Variants in PTCHD4 observed in about 807,000 individuals in gnomAD.
PTCHD4 encodes patched domain-containing protein 4.
In PTCHD4, 33 loss-of-function variants were observed where a neutral mutation model predicts 58.1. That is an observed-to-expected ratio of 0.57 (90% CI 0.43 to 0.76). PTCHD4 has a LOEUF of 0.76. Ranked by LOEUF, PTCHD4 falls within the 30% of genes least tolerant of loss-of-function variation. The pLI, the probability that PTCHD4 is intolerant of heterozygous loss-of-function variation, is 0.00. For synonymous variants in PTCHD4, 478 were observed against 409.6 expected (o/e 1.17, Z -2.02); for missense variants, 1,058 against 1,027.1 (o/e 1.03, Z -0.41).
intron 4 of PTCHD4, among the ~76,000 whole-genome samples, chr6:47,996,442 C>T (rs62397958): frequency 7.3e-5 from 1 of 13,622 alleles, no homozygotes; most frequent in Non-Finnish European, 1.8e-4. Context: ...AGCACTGCTC[C>T]CCAGCCTGGG....
In PTCHD4 at chr6:48,101,877, C is replaced by T. The variant is rs185400996; in HGVS notation, c.-970+9172G>A. Among the ~76,000 whole-genome samples, 873 of 152,174 alleles carry T rather than the reference C, an allele frequency of 5.7e-3. 8 individuals carry two copies. Among genetic ancestry groups the T allele is most frequent in the African/African-American group, 0.019 (787 of 41,508 alleles). On this transcript the variant is annotated intron_variant, in intron 1 of 4. Coordinates refer to ENST00000339488, the MANE Select transcript of PTCHD4 (RefSeq NM_001384253.1). ...AATCAGGTCCTCTAATTAGCTGGTG[C>T]GGTTGGATGAAGGGATTGGGAGAGA...
chr6:48,068,671 GCCGGGCTACCCCGTTCTCC>G lies in PTCHD4; in HGVS notation c.6-49_6-31del. On this transcript the variant is annotated intron_variant, in intron 2 of 4. Transcript: ENST00000339488. This position sits in a 1 kb window ranked among gnomAD's most constrained non-coding sequence, Gnocchi z 4.2. ...AAAAGCACATGTGACATGTGTAAGC[GCCGGGCTACCCCGTTCTCC>G]CCCATCCCACCCCCTGGGGCCAGTC... The G allele has an allele frequency of 6.6e-7, 1 of 1,519,554 alleles. No homozygotes were observed. The highest frequency in any genetic ancestry group is 8.8e-7 in the Non-Finnish European group (1 of 1,138,244). The allele number at this position is 1,519,554 out of a possible 1,614,324, so 94.1% of individuals were successfully genotyped here.
chr6:47,879,947 A>T lies in PTCHD4; in HGVS notation c.899-11T>A, dbSNP rs9367307. ...CTTTAGTTCCATGACCTAATGTTTT[A>T]AAAAAAGAAAATAATAATTATTTTT... On this transcript the variant is annotated splice_polypyrimidine_tract_variant and intron_variant, in intron 4 of 4. Coordinates refer to ENST00000339488, the MANE Select transcript of PTCHD4 (RefSeq NM_001384253.1). 0.68 allele frequency: 986,009 copies of T among 1,451,058 alleles called. 337,314 individuals carry two copies. The highest frequency in any genetic ancestry group is 0.79 in the East Asian group (31,399 of 39,856). 89.9% of individuals were successfully genotyped at this position (1,451,058 alleles called of 1,614,324 possible). A position where few individuals can be genotyped will look rare whatever the true frequency, so the allele number is the denominator to read the frequency against.
chr6:48,001,654 C>CCCTAGGCAATA (rs1296597282), intron 4 of PTCHD4, among the ~76,000 whole-genome samples: 103 of 152,258 alleles, frequency 6.8e-4, no homozygotes, highest in African/African-American at 2.4e-3. Flanking sequence ...ACCATAAAAA[C>CCCTAGGCAATA]CCTAGAAGAA....
chr6:47,963,221 C>A (rs1767164173), intron 4 of PTCHD4, among the ~76,000 whole-genome samples: 2 of 150,694 alleles, frequency 1.3e-5, no homozygotes, highest in African/African-American at 2.4e-5. Flanking sequence ...TAAACACATG[C>A]CAACAAATAT....
At chr6:48,073,912 C>T (rs1419443253) in intron 1 of PTCHD4, among the ~76,000 whole-genome samples, 1 of 152,136 alleles carries the variant, frequency 6.6e-6, no homozygotes, top group Middle Eastern at 3.2e-3. Context: ...GATGATCAGG[C>T]AGCAAACTCA....
In PTCHD4 at chr6:48,008,102, A is replaced by G. The variant is rs115194572; in HGVS notation, c.898+532T>C. On this transcript the variant is annotated intron_variant, in intron 4 of 4. Coordinates refer to ENST00000339488, the MANE Select transcript of PTCHD4 (RefSeq NM_001384253.1). Reference sequence around the variant, plus strand: ...AAATTAGAGGATATTTCTAAGTGGCAGCAGGAAGGTTTTAGTTTATACAGA... The same window carrying G: ...AAATTAGAGGATATTTCTAAGTGGCGGCAGGAAGGTTTTAGTTTATACAGA... 5.4e-3 allele frequency among the ~76,000 whole-genome samples: 820 copies of G among 152,348 alleles called. 8 individuals are homozygous for G. Among genetic ancestry groups the G allele is most frequent in the African/African-American group, 0.019 (777 of 41,574 alleles).
chr6:48,061,932 A>C (rs1764642365), intron 3 of PTCHD4, among the ~76,000 whole-genome samples: 1 of 152,194 alleles, frequency 6.6e-6, no homozygotes, highest in Admixed American at 6.5e-5. Context: ...TGTCCAATCA[A>C]AAGGTGTCTT....
intron 1 of PTCHD4, among the ~76,000 whole-genome samples, chr6:48,076,150 CT>C (rs1765060974): frequency 6.6e-6 from 1 of 152,202 alleles, no homozygotes; most frequent in Admixed American, 6.5e-5. Flanking sequence ...CAATAAACCA[CT>C]TTCTTTGCTC....
rs577940230 is a variant in PTCHD4, at chr6:47,930,507, A to G, written c.899-50571T>C. On this transcript the variant is annotated intron_variant, in intron 4 of 4. Transcript: ENST00000339488. Reference sequence around the variant, plus strand: ...TATATTTCTATGTATTCCTAGGCACATATTCCCAGGGATCCAAGACACACA... The same window carrying G: ...TATATTTCTATGTATTCCTAGGCACGTATTCCCAGGGATCCAAGACACACA... Among the ~76,000 whole-genome samples, 4 of 152,350 alleles carry G rather than the reference A, an allele frequency of 2.6e-5. No homozygotes were observed. In the South Asian group the frequency reaches 6.2e-4, roughly 24 times the overall value.
chr6:48,076,194 T>C (rs1234247810), intron 1 of PTCHD4, among the ~76,000 whole-genome samples: 1 of 152,260 alleles, frequency 6.6e-6, no homozygotes, highest in African/African-American at 2.4e-5. Flanking sequence ...TCCATTAAAA[T>C]TTTATTTTGA....
At chr6:47,901,032 T>C (rs1764678700) in intron 4 of PTCHD4, 1 of 150,770 alleles carries the variant, frequency 6.6e-6, no homozygotes, top group Non-Finnish European at 1.5e-5. Context: ...CGGGCGCCTG[T>C]AGTCCCAGCT....
rs976388239 is a variant in PTCHD4, at chr6:47,863,245, A to G, written c.*15058T>C. On this transcript the variant is annotated 3_prime_UTR_variant, in exon 5 of 5. Coordinates refer to ENST00000339488, the MANE Select transcript of PTCHD4 (RefSeq NM_001384253.1). ...CTTTTAAGGAAAAGAATGCAAAAAT[A>G]TCATACATTTGAAAATTTTATATAA... Among the ~76,000 whole-genome samples the G allele has an allele frequency of 2.0e-5, 3 of 151,944 alleles. No individual in the cohort carries two copies. The highest frequency in any genetic ancestry group is 7.2e-5 in the African/African-American group (3 of 41,424).
intron 3 of PTCHD4, among the ~76,000 whole-genome samples, chr6:48,067,600 A>T (rs1582104859): frequency 2.0e-5 from 3 of 151,866 alleles, no homozygotes. Flanking sequence ...CAAAACACAA[A>T]CTCCCCACAT....
intron 4 of PTCHD4, among the ~76,000 whole-genome samples, chr6:47,994,854 C>T (rs897947802): frequency 8.5e-5 from 13 of 152,128 alleles, no homozygotes; most frequent in Admixed American, 7.2e-4. Flanking sequence ...AACACACTTG[C>T]TTCTGCTTTA....
intron 4 of PTCHD4, among the ~76,000 whole-genome samples, chr6:47,929,187 G>A (rs1765727758): frequency 1.3e-5 from 2 of 151,898 alleles, no homozygotes; most frequent in African/African-American, 4.8e-5. Flanking sequence ...AAAAAAAATT[G>A]GCTAAGCAAG....
At chr6:48,013,035 CT>C (rs1009078753) in intron 3 of PTCHD4, among the ~76,000 whole-genome samples, 16 of 152,116 alleles carry the variant, frequency 1.1e-4, no homozygotes, top group African/African-American at 3.6e-4. Flanking sequence ...TGAAATTTCC[CT>C]TTTTTGGCTG....
chr6:48,091,780 GGA>G (rs1582130445), intron 1 of PTCHD4, among the ~76,000 whole-genome samples: 1 of 151,824 alleles, frequency 6.6e-6, no homozygotes, highest in East Asian at 1.9e-4. Flanking sequence ...TGAGTAGCTG[GGA>G]TTAAAGGCCC....
intron 4 of PTCHD4, among the ~76,000 whole-genome samples, chr6:47,942,835 C>A (rs915954601): frequency 2.0e-5 from 3 of 152,166 alleles, no homozygotes; most frequent in Admixed American, 1.3e-4. Context: ...AGGTGCAAAA[C>A]GATTCCCTCT....
Sources: allele counts gnomAD v4.1 joint callset (sites outside exome capture counted in the v4.1 genomes callset), GRCh38; gene constraint gnomAD v4.1.1; non-coding constraint Gnocchi (gnomAD v3.1); transcripts MANE v1.5; gene names NCBI Gene and HGNC (gene_info 2026-07-23, HGNC 2026-07-21).